ZNF536: variants seen among roughly 807,000 people sequenced by gnomAD.
ZNF536 encodes the protein zinc finger protein 536.
A neutral mutation model predicts 84.5 loss-of-function variants in ZNF536; 13 were observed. The observed-to-expected ratio is 0.15, with a 90% CI of 0.10 to 0.24. The LOEUF is 0.24. Among genes scored for constraint, ZNF536 ranks in the 10% least tolerant of loss-of-function variants. ZNF536 has a pLI of 1.00. For synonymous variants in ZNF536, 811 were observed against 742.5 expected (o/e 1.09, Z -1.50); for missense variants, 1,536 against 1,747.5 (o/e 0.88, Z 2.16).
intron 1 of ZNF536, among the ~76,000 whole-genome samples, chr19:30,387,390 C>T (rs1432810139): frequency 1.3e-5 from 2 of 152,360 alleles, no homozygotes; most frequent in East Asian, 1.9e-4. Context: ...CCCAAAGACC[C>T]CATTCAGGGA....
At chr19:30,505,742 T>A (rs1371553330) in intron 2 of ZNF536, among the ~76,000 whole-genome samples, 1 of 152,070 alleles carries the variant, frequency 6.6e-6, no homozygotes, top group Non-Finnish European at 1.5e-5. Flanking sequence ...CTCGGCTCAC[T>A]GCAACCTCTG....
chr19:30,592,985 G>A (rs2047326729), intron 1 of ZNF536, among the ~76,000 whole-genome samples: 1 of 152,190 alleles, frequency 6.6e-6, no homozygotes, highest in Non-Finnish European at 1.5e-5. Flanking sequence ...ATCAAGTCCA[G>A]CATCTTCTCC....
chr19:30,551,372 G>GGA (rs1432983924), intron 4 of ZNF536, among the ~76,000 whole-genome samples: 3 of 152,298 alleles, frequency 2.0e-5, no homozygotes, highest in African/African-American at 7.2e-5. Context: ...AGGTTGAATG[G>GGA]GAAGCCAACG....
intron 2 of ZNF536, among the ~76,000 whole-genome samples, chr19:30,330,276 A>G (rs143891035): frequency 1.4e-4 from 22 of 152,350 alleles, no homozygotes; most frequent in African/African-American, 5.1e-4. Context: ...ATTAAAATAA[A>G]TTTGGTACTG....
chr19:30,504,389 C>T (rs1302392182), intron 2 of ZNF536, among the ~76,000 whole-genome samples: 1 of 146,614 alleles, frequency 6.8e-6, no homozygotes, highest in Non-Finnish European at 1.5e-5. Context: ...TTCCTCTCCT[C>T]CTTCCTCTCT....
At chr19:30,251,139 CCACCTG>C (rs1035147552) in intron 1 of ZNF536, among the ~76,000 whole-genome samples, 4 of 152,080 alleles carry the variant, frequency 2.6e-5, no homozygotes, top group African/African-American at 7.2e-5. Flanking sequence ...AGCCACCAGG[CCACCTG>C]ATCACAGAGC....
In ZNF536 at chr19:30,534,873, G is replaced by T. The variant is rs146290113; in HGVS notation, c.2197G>T (p.Ala733Ser). 6.8e-6 allele frequency: 11 copies of T among 1,613,308 alleles called. No homozygotes were observed. Among genetic ancestry groups the T allele is most frequent in the South Asian group, 6.6e-5 (6 of 90,916 alleles). Residue 733 changes from alanine to serine, a missense_variant, in exon 3 of 5, where the codon GCC becomes TCC. Transcript: ENST00000355537. Reference sequence around the variant, plus strand: ...CATTGGCGAGGAGGCTGGGAGATCTGCCGGCGTCCAGCAACCAGCGCTGCT... The same window carrying T: ...CATTGGCGAGGAGGCTGGGAGATCTTCCGGCGTCCAGCAACCAGCGCTGCT... The part of the protein sequence containing the change: ...SDIGEEAGRS[A>S]GVQQPALLRD...
At chr19:30,324,784 C>G (rs758989622) in intron 2 of ZNF536, among the ~76,000 whole-genome samples, 43 of 152,260 alleles carry the variant, frequency 2.8e-4, no homozygotes, top group Non-Finnish European at 4.9e-4. Flanking sequence ...GCCCTCATCC[C>G]TACCCCATGA....
intron 2 of ZNF536, among the ~76,000 whole-genome samples, chr19:30,325,750 A>G (rs1414883422): frequency 1.3e-5 from 2 of 152,156 alleles, no homozygotes; most frequent in Non-Finnish European, 2.9e-5. Context: ...CTGACACCAA[A>G]TCCTGGCACA....
At chr19:30,366,877 A>T (rs1160913550) in intron 3 of ZNF536, among the ~76,000 whole-genome samples, 1 of 152,174 alleles carries the variant, frequency 6.6e-6, no homozygotes, top group East Asian at 1.9e-4. Flanking sequence ...AAACAGGGGG[A>T]TCTGAAGCTG....
At chr19:30,308,716 T>C (rs967204323) in intron 2 of ZNF536, among the ~76,000 whole-genome samples, 1 of 152,102 alleles carries the variant, frequency 6.6e-6, no homozygotes, top group African/African-American at 2.4e-5. Flanking sequence ...TCCAGACAGC[T>C]TGGGAACTGC....
intron 2 of ZNF536, among the ~76,000 whole-genome samples, chr19:30,457,282 G>A (rs2052899781): frequency 6.6e-6 from 1 of 152,230 alleles, no homozygotes; most frequent in Admixed American, 6.5e-5. Flanking sequence ...CTTTCCCTCT[G>A]TAGAATTAGG....
intron 1 of ZNF536, among the ~76,000 whole-genome samples, chr19:30,570,253 C>T (rs922182116): frequency 1.8e-4 from 27 of 152,304 alleles, no homozygotes; most frequent in African/African-American, 5.8e-4. Context: ...CACCCTCCCT[C>T]CACATCCTGT....
chr19:30,238,193 G>C (rs1365495408), intron 1 of ZNF536, among the ~76,000 whole-genome samples: 1 of 152,174 alleles, frequency 6.6e-6, no homozygotes, highest in Non-Finnish European at 1.5e-5. Context: ...CCCACCAAAG[G>C]CTGTGGGCTT....
At chr19:30,420,623 G>T (rs2050912600) in intron 1 of ZNF536, among the ~76,000 whole-genome samples, 1 of 151,942 alleles carries the variant, frequency 6.6e-6, no homozygotes, top group Non-Finnish European at 1.5e-5. Flanking sequence ...GGCAATATCA[G>T]GAAAAACAAA....
At chr19:30,311,748 C>T (rs2146099939) in intron 2 of ZNF536, among the ~76,000 whole-genome samples, 1 of 152,188 alleles carries the variant, frequency 6.6e-6, no homozygotes, top group East Asian at 1.9e-4. Context: ...TTCCCTGAGT[C>T]ACATTAAAGT....
At chr19:30,336,277 G>A (rs1181458829) in intron 2 of ZNF536, among the ~76,000 whole-genome samples, 1 of 152,162 alleles carries the variant, frequency 6.6e-6, no homozygotes, top group Non-Finnish European at 1.5e-5. Flanking sequence ...CTCCAGGAAG[G>A]CAGAAACCAT....
At chr19:30,587,220 C>A (rs2047124330) in intron 1 of ZNF536, among the ~76,000 whole-genome samples, 1 of 152,188 alleles carries the variant, frequency 6.6e-6, no homozygotes, top group Non-Finnish European at 1.5e-5. Flanking sequence ...TTTGAGTGTG[C>A]ATGCAATTTC....
At chr19:30,583,414 G>A (rs1271738363) in intron 1 of ZNF536, among the ~76,000 whole-genome samples, 2 of 152,216 alleles carry the variant, frequency 1.3e-5, no homozygotes, top group Admixed American at 6.5e-5. Context: ...CTGAGAGGCA[G>A]AGAGGCCATT....
Sources: gnomAD v4.1 joint callset for allele counts (sites outside exome capture counted in the v4.1 genomes callset) on GRCh38, gnomAD v4.1.1 for gene constraint, MANE v1.5 for transcripts, NCBI Gene and HGNC (gene_info 2026-07-23, HGNC 2026-07-21) for gene names.